The following QTMAN variants were observed in gnomAD, a reference collection of about 807,000 sequenced individuals.
The protein encoded by QTMAN is queuosine-tRNA mannosyltransferase, also known as tRNA-queuosine alpha-mannosyltransferase.
chr2:144,053,099 T>C, the QTMAN span, among the ~76,000 whole-genome samples: 1 of 152,340 alleles, frequency 6.6e-6, no homozygotes. Context: ...TCATGACCAA[T>C]TAATGGATCA....
the QTMAN span, among the ~76,000 whole-genome samples, chr2:144,059,653 A>G: frequency 1.3e-5 from 2 of 152,152 alleles, no homozygotes; most frequent in African/African-American, 2.4e-5. Context: ...CAACCCTCCA[A>G]TGGCTTCCTA....
chr2:144,256,717 G>A, the QTMAN span, among the ~76,000 whole-genome samples: 2 of 152,084 alleles, frequency 1.3e-5, no homozygotes, highest in Non-Finnish European at 2.9e-5. Flanking sequence ...GAGGGAAAGG[G>A]GAGGAAAAGG....
At chr2:144,078,033 T>C in the QTMAN span, among the ~76,000 whole-genome samples, 2 of 152,200 alleles carry the variant, frequency 1.3e-5, no homozygotes, top group African/African-American at 4.8e-5. Flanking sequence ...TTTAAGGTAT[T>C]TTCCAGCACA....
chr2:143,946,649 C>G, the QTMAN span: 1 of 162,520 alleles, frequency 6.2e-6, no homozygotes, highest in Non-Finnish European at 1.3e-5. Context: ...ATCGTGTCGG[C>G]GAAAAGAAAG....
chr2:144,096,235 T>C, the QTMAN span, among the ~76,000 whole-genome samples: 1 of 152,202 alleles, frequency 6.6e-6, no homozygotes, highest in Non-Finnish European at 1.5e-5. Flanking sequence ...AAACCACAAA[T>C]GAAAGTACTT....
the QTMAN span, among the ~76,000 whole-genome samples, chr2:144,182,458 T>C: frequency 6.6e-6 from 1 of 151,722 alleles, no homozygotes; most frequent in African/African-American, 2.4e-5. Context: ...CTGGCCAACA[T>C]GGTGAAACTC....
chr2:144,105,881 G>C, the QTMAN span, among the ~76,000 whole-genome samples: 1 of 152,298 alleles, frequency 6.6e-6, no homozygotes, highest in Admixed American at 6.5e-5. Context: ...ACAAAGGGAA[G>C]CCCATTAGAC....
At chr2:144,212,607 A>G in the QTMAN span, among the ~76,000 whole-genome samples, 14 of 152,230 alleles carry the variant, frequency 9.2e-5, no homozygotes, top group Non-Finnish European at 1.8e-4. Flanking sequence ...CATGGCGCTC[A>G]GAATAGTATT....
At chr2:144,022,208 T>C in the QTMAN span, among the ~76,000 whole-genome samples, 1 of 152,156 alleles carries the variant, frequency 6.6e-6, no homozygotes, top group Non-Finnish European at 1.5e-5. Flanking sequence ...TTTTTCTAAT[T>C]TTTCCATCTG....
the QTMAN span, among the ~76,000 whole-genome samples, chr2:143,975,589 T>A: frequency 1.3e-5 from 2 of 152,204 alleles, no homozygotes; most frequent in Non-Finnish European, 2.9e-5. Context: ...GAAGACTCCA[T>A]CTTCATCTTC....
chr2:144,101,379 A>T, the QTMAN span, among the ~76,000 whole-genome samples: 1 of 131,446 alleles, frequency 7.6e-6, no homozygotes, highest in Non-Finnish European at 1.6e-5. Flanking sequence ...TATTCAAATC[A>T]TGTCTATCTC....
the QTMAN span, among the ~76,000 whole-genome samples, chr2:144,231,882 G>C: frequency 7.0e-6 from 1 of 142,170 alleles, no homozygotes; most frequent in African/African-American, 2.6e-5. Context: ...GTGTGTGTGT[G>C]TGTGTGTGTG....
chr2:144,310,842 A>AT, the QTMAN span, among the ~76,000 whole-genome samples: 4 of 152,260 alleles, frequency 2.6e-5, no homozygotes, highest in Admixed American at 2.6e-4. Context: ...ATATTCCTTT[A>AT]AATATCCATA....
the QTMAN span, among the ~76,000 whole-genome samples, chr2:144,206,224 C>A: frequency 6.6e-6 from 1 of 152,106 alleles, no homozygotes; most frequent in Admixed American, 6.6e-5. Context: ...GCATAGTAGG[C>A]AATATTGGTG....
the QTMAN span, chr2:143,938,074 T>C: frequency 3.9e-5 from 6 of 152,232 alleles, no homozygotes; most frequent in East Asian, 1.2e-3. Context: ...ACAATTTTGT[T>C]TTGCAGTTTT....
the QTMAN span, among the ~76,000 whole-genome samples, chr2:144,087,431 G>C: frequency 6.6e-6 from 1 of 151,938 alleles, no homozygotes; most frequent in African/African-American, 2.4e-5. Context: ...AAACTGAAGA[G>C]AAAGGAAACT....
At chr2:144,134,750 T>C in the QTMAN span, among the ~76,000 whole-genome samples, 1 of 152,162 alleles carries the variant, frequency 6.6e-6, no homozygotes, top group Non-Finnish European at 1.5e-5. Context: ...GAATCTAAAG[T>C]ATATTTGCTT....
At chr2:144,024,785 T>C in the QTMAN span, among the ~76,000 whole-genome samples, 4 of 152,188 alleles carry the variant, frequency 2.6e-5, no homozygotes, top group East Asian at 3.8e-4. Context: ...CTTTGCTACA[T>C]AGAACACTCC....
chr2:144,110,520 C>T, the QTMAN span, among the ~76,000 whole-genome samples: 2 of 151,942 alleles, frequency 1.3e-5, no homozygotes, highest in Admixed American at 6.6e-5. Context: ...TGCACATGCA[C>T]CCTAGAACTT....
Sources: allele counts gnomAD v4.1 joint callset (sites outside exome capture counted in the v4.1 genomes callset), GRCh38; gene constraint gnomAD v4.1.1; transcripts MANE v1.5; gene names NCBI Gene and HGNC (gene_info 2026-07-23, HGNC 2026-07-21).